AMMECR1: variants seen among roughly 807,000 people sequenced by gnomAD.
AMMECR1 encodes nuclear protein AMMECR1.
In AMMECR1, 3 loss-of-function variants were observed where a neutral mutation model predicts 22.5. The ratio of observed to expected loss-of-function variants is 0.13; its 90% CI spans 0.06 to 0.35. AMMECR1 has a LOEUF of 0.35. Among genes scored for constraint, AMMECR1 ranks in the 10% least tolerant of loss-of-function variants. The pLI is 1.00. For synonymous variants in AMMECR1, 130 were observed against 116.7 expected (o/e 1.11, Z -0.74); for missense variants, 235 against 278.7 (o/e 0.84, Z 1.12).
chrX:110,330,050 TA>T (rs1316630094), intron 2 of AMMECR1, among the ~76,000 whole-genome samples: 4 of 111,493 alleles, frequency 3.6e-5, no homozygotes, highest in South Asian at 7.4e-4. Flanking sequence ...ATTGGCTCCA[TA>T]AAAAAATTAT....
In AMMECR1 at chrX:110,264,637, T is replaced by C. The variant is rs374149175; in HGVS notation, c.474-38A>G. ...ATAAAAATAGGGTAAATAAATCAAT[T>C]CAATTCAAGCAAGTATTTATTGAGT... On this transcript the variant is annotated intron_variant, in intron 1 of 5. Coordinates refer to ENST00000262844, the MANE Select transcript of AMMECR1 (RefSeq NM_015365.3). The C allele has an allele frequency of 2.8e-5, 29 of 1,027,070 alleles. No individual in the cohort carries two copies. The African/African-American group carries it at 5.1e-4, about 18-fold the overall frequency. 84.6% of individuals were successfully genotyped at this position (1,027,070 alleles called of 1,213,427 possible).
At chrX:110,385,730 G>T (rs2068450409) in intron 2 of AMMECR1, among the ~76,000 whole-genome samples, 1 of 111,615 alleles carries the variant, frequency 9.0e-6, no homozygotes, top group South Asian at 3.7e-4. Context: ...TGGGTATATT[G>T]CATGATGCTG....
intron 2 of AMMECR1, among the ~76,000 whole-genome samples, chrX:110,228,428 G>A (rs1197065011): frequency 3.6e-5 from 4 of 111,352 alleles, no homozygotes; most frequent in Non-Finnish European, 7.5e-5. Context: ...AAAGCTGCAT[G>A]CCCAAAGTCA....
In AMMECR1 at chrX:110,306,098, G is replaced by A. The variant is rs1019380724; in HGVS notation, c.473+11501C>T. Among the ~76,000 whole-genome samples the A allele has an allele frequency of 7.2e-5, 8 of 110,801 alleles. No individual in the cohort carries two copies. The East Asian group carries it at 1.7e-3, about 24-fold the overall frequency. On this transcript the variant is annotated intron_variant, in intron 1 of 5. Coordinates refer to ENST00000262844, the MANE Select transcript of AMMECR1 (RefSeq NM_015365.3). Reference sequence around the variant, plus strand: ...AGATCGAGACCATCCTGGCTAACACGGTGAAACCCCGTCTCTACTAAAAAC... The same window carrying A: ...AGATCGAGACCATCCTGGCTAACACAGTGAAACCCCGTCTCTACTAAAAAC...
intron 2 of AMMECR1, among the ~76,000 whole-genome samples, chrX:110,360,858 G>T (rs954617511): frequency 9.0e-6 from 1 of 111,403 alleles, no homozygotes; most frequent in African/African-American, 3.3e-5. Flanking sequence ...TATACAGGAA[G>T]AATTGATAGG....
At chrX:110,225,022 C>T in intron 2 of AMMECR1, 1 of 373,907 alleles carries the variant, frequency 2.7e-6, no homozygotes, top group East Asian at 7.5e-5. Flanking sequence ...CTCACTACCA[C>T]ATGGGGATTG....
At chrX:110,337,714 G>T (rs1449255393) in intron 2 of AMMECR1, among the ~76,000 whole-genome samples, 2 of 111,863 alleles carry the variant, frequency 1.8e-5, no homozygotes, top group Non-Finnish European at 3.8e-5. Flanking sequence ...TTGCTCATGG[G>T]TATATACCCA....
At chrX:110,387,870 T>C (rs1240549299) in intron 2 of AMMECR1, among the ~76,000 whole-genome samples, 2 of 98,670 alleles carry the variant, frequency 2.0e-5, no homozygotes, top group African/African-American at 7.6e-5. Flanking sequence ...TTTTTTTTTT[T>C]TTTTTTTTTG....
Position 110,217,739 on chromosome X carries a change from T to C in AMMECR1, c.585-1107A>G, listed in dbSNP as rs1229929385. 2.7e-5 allele frequency among the ~76,000 whole-genome samples: 3 copies of C among 111,378 alleles called. No homozygotes were observed. The East Asian group carries it at 8.5e-4, about 32-fold the overall frequency. ...ACAAACTCAGACTCTACAAACTGCT[T>C]GGGTCATAACATAGTTCCATAGACT... On this transcript the variant is annotated intron_variant, in intron 2 of 5. Transcript: ENST00000262844.
chrX:110,256,769 AGAAGGGC>A (rs1295100236), intron 2 of AMMECR1, among the ~76,000 whole-genome samples: 5 of 111,607 alleles, frequency 4.5e-5, no homozygotes, highest in Admixed American at 3.8e-4. Flanking sequence ...AAGATCACAG[AGAAGGGC>A]TTCATTTCTT....
intron 2 of AMMECR1, among the ~76,000 whole-genome samples, chrX:110,392,279 T>G (rs1296024114): frequency 9.7e-6 from 1 of 102,770 alleles, no homozygotes; most frequent in Non-Finnish European, 2.0e-5. Flanking sequence ...CAGGTTTTTT[T>G]TTTTTTTTTT....
At chrX:110,382,146 T>C (rs1307964707) in intron 2 of AMMECR1, among the ~76,000 whole-genome samples, 3 of 112,165 alleles carry the variant, frequency 2.7e-5, no homozygotes, top group African/African-American at 9.7e-5. Flanking sequence ...TTGGTCAGAA[T>C]TCTCTCTTTG....
intron 2 of AMMECR1, among the ~76,000 whole-genome samples, chrX:110,406,146 T>C (rs1382489108): frequency 9.1e-6 from 1 of 109,923 alleles, no homozygotes; most frequent in Non-Finnish European, 1.9e-5. Flanking sequence ...CTGTGTTACA[T>C]GTGCAGAACT....
At chrX:110,290,152 T>A (rs1021313593) in intron 1 of AMMECR1, among the ~76,000 whole-genome samples, 2 of 111,929 alleles carry the variant, frequency 1.8e-5, no homozygotes, top group African/African-American at 6.5e-5. Flanking sequence ...AAACAAATAT[T>A]TACTCCAATG....
At chrX:110,234,755 G>T (rs945849824) in intron 2 of AMMECR1, among the ~76,000 whole-genome samples, 4 of 111,711 alleles carry the variant, frequency 3.6e-5, no homozygotes, top group African/African-American at 1.3e-4. Context: ...AATAAATGGT[G>T]CTGGGAAAAC....
intron 2 of AMMECR1, among the ~76,000 whole-genome samples, chrX:110,399,885 C>G (rs753614656): frequency 2.7e-5 from 3 of 111,858 alleles, no homozygotes; most frequent in African/African-American, 9.8e-5. Flanking sequence ...ACATTATTAG[C>G]GAAGGCAATG....
rs1468237925 is a variant in AMMECR1 at position 110,194,383 on chromosome X, T to C, written c.*4137A>G. 8.9e-6 allele frequency: 1 copy of C among 111,901 alleles called. No homozygotes were observed. Among genetic ancestry groups the C allele is most frequent in the Non-Finnish European group, 1.9e-5 (1 of 53,210 alleles). 9.2% of individuals were successfully genotyped at this position (111,901 alleles called of 1,213,427 possible). On this transcript the variant is annotated 3_prime_UTR_variant, in exon 6 of 6. Transcript: ENST00000262844. ...ATTTCCAATAGTTTCTTCAAACTATTAAGCAATTAAATGTGGAAGGAAGGA... is the reference window on the plus strand; with the variant it reads ...ATTTCCAATAGTTTCTTCAAACTATCAAGCAATTAAATGTGGAAGGAAGGA...
intron 2 of AMMECR1, among the ~76,000 whole-genome samples, chrX:110,250,642 G>A (rs761215938): frequency 1.4e-4 from 16 of 111,927 alleles, no homozygotes; most frequent in Non-Finnish European, 2.4e-4. Context: ...CTAGCACTTC[G>A]ACTAAAACTA....
intron 2 of AMMECR1, among the ~76,000 whole-genome samples, chrX:110,240,661 G>C (rs973835150): frequency 9.1e-6 from 1 of 110,095 alleles, no homozygotes; most frequent in African/African-American, 3.3e-5. Context: ...GTCAATATTG[G>C]ATCAACAAGA....
Sources: gnomAD v4.1 joint callset for allele counts (sites outside exome capture counted in the v4.1 genomes callset) on GRCh38, gnomAD v4.1.1 for gene constraint, MANE v1.5 for transcripts, NCBI Gene and HGNC (gene_info 2026-07-23, HGNC 2026-07-21) for gene names.